The following DLGAP2 variants were observed in gnomAD, a reference collection of about 807,000 sequenced individuals.
DLGAP2 encodes the protein DLG associated protein 2, also known as disks large-associated protein 2.
Under a neutral mutation model 100.3 loss-of-function variants are expected in DLGAP2, and 26 were observed. The ratio of observed to expected loss-of-function variants is 0.26; its 90% CI spans 0.19 to 0.36. The LOEUF is 0.36. Ranked by LOEUF, DLGAP2 falls within the 10% of genes least tolerant of loss-of-function variation. The pLI, the probability that DLGAP2 is intolerant of heterozygous loss-of-function variation, is 1.00. For missense variants in DLGAP2, 1,858 were observed against 1,453.2 expected (o/e 1.28, Z -4.53); for synonymous variants, 886 against 630.1 (o/e 1.41, Z -6.08).
At chr8:990,070 T>C (rs543528688) in intron 2 of DLGAP2, among the ~76,000 whole-genome samples, 2 of 152,200 alleles carry the variant, frequency 1.3e-5, no homozygotes, top group East Asian at 1.9e-4. Flanking sequence ...TGCTTCCCAC[T>C]GTAGAATTTC....
intron 3 of DLGAP2, among the ~76,000 whole-genome samples, chr8:1,413,693 G>A (rs1796796318): frequency 6.6e-6 from 1 of 152,176 alleles, no homozygotes; most frequent in South Asian, 2.1e-4. Context: ...TTGATAAATG[G>A]TCTTGAACTC....
Position 1,669,635 on chromosome 8 carries a change from G to A in DLGAP2, c.2161-108G>A, listed in dbSNP as rs183587266. 6.6e-6 allele frequency: 5 copies of A among 762,000 alleles called. No individual in the cohort carries two copies. In the East Asian group the frequency reaches 7.3e-5, roughly 11 times the overall value. The allele number at this position is 762,000 out of a possible 1,614,324, so 47.2% of individuals were successfully genotyped here. On this transcript the variant is annotated intron_variant, in intron 9 of 14. Transcript: ENST00000637795. ...GTGGAGCGTGCTGAGAGCCGGGCCC[G>A]TGCGGCGCTGGTAGCTAGGCATGCG...
chr8:1,201,516 C>T (rs1025136769), intron 2 of DLGAP2, among the ~76,000 whole-genome samples: 1 of 152,206 alleles, frequency 6.6e-6, no homozygotes, highest in African/African-American at 2.4e-5. Context: ...TGCTTCAGCC[C>T]AGGGAGTCCG....
At chr8:1,677,122 A>G (rs1246164986) in intron 11 of DLGAP2, among the ~76,000 whole-genome samples, 1 of 152,230 alleles carries the variant, frequency 6.6e-6, no homozygotes, top group African/African-American at 2.4e-5. Context: ...TTAAAATAGC[A>G]TGTATTGTCT....
chr8:1,616,905 C>T (rs191531860), intron 6 of DLGAP2, among the ~76,000 whole-genome samples: 18 of 152,230 alleles, frequency 1.2e-4, no homozygotes, highest in Non-Finnish European at 4.4e-5. Context: ...CTCCAGGAGG[C>T]CCCAGTATGT....
chr8:1,678,179 G>C, intron 11 of DLGAP2, 35 bp from the exon 12 acceptor site: 1 of 1,574,070 alleles, frequency 6.4e-7, no homozygotes, highest in Non-Finnish European at 8.6e-7. Flanking sequence ...CCTCTCAGAA[G>C]GGCTACCATC....
At chr8:1,546,165 G>A (rs755813828) in intron 4 of DLGAP2, among the ~76,000 whole-genome samples, 2 of 152,166 alleles carry the variant, frequency 1.3e-5, no homozygotes, top group African/African-American at 2.4e-5. Flanking sequence ...GGAAGACGCC[G>A]CCGGCCATTA....
At chr8:863,487 T>C (rs186965248) in intron 1 of DLGAP2, among the ~76,000 whole-genome samples, 1 of 152,358 alleles carries the variant, frequency 6.6e-6, no homozygotes, top group East Asian at 1.9e-4. Context: ...CGCACACCAC[T>C]TGGAATTAAA....
At chr8:1,421,059 C>G (rs970280216) in intron 3 of DLGAP2, among the ~76,000 whole-genome samples, 7 of 152,176 alleles carry the variant, frequency 4.6e-5, no homozygotes, top group African/African-American at 1.2e-4. Context: ...GAATAATACA[C>G]TGGAGAAAAT....
At chr8:1,341,077 TGTGGGAGGAGGAGG>T (rs1320040750) in intron 3 of DLGAP2, among the ~76,000 whole-genome samples, 7 of 151,946 alleles carry the variant, frequency 4.6e-5, no homozygotes, top group Non-Finnish European at 7.4e-5. Flanking sequence ...CACTGGGACC[TGTGGGAGGAGGAGG>T]GTGGGAGGAG....
intron 2 of DLGAP2, among the ~76,000 whole-genome samples, chr8:1,238,161 GTCATGTCTAGTTCTCTCTCACACAGAGCA>G (rs1358769313): frequency 3.5e-5 from 1 of 28,776 alleles, no homozygotes; most frequent in East Asian, 1.0e-3. Context: ...CACACATAGC[GTCATGTCTAGTTCTCTCTCACACAGAGCA>G]TCATGTCTAG....
Position 960,252 on chromosome 8 carries a change from T to TTTTTTTTTTTTTTTTTTTTC in DLGAP2, c.73+52286_73+52287insTTTTTTTTTTTTTTTTTTTC, listed in dbSNP as rs369284313. The stretch of plus-strand genomic sequence containing the variant: ...TGAAGTATATCTTTTTTTTTTTTTT[T>TTTTTTTTTTTTTTTTTTTTC]CCCGAGACACTCTCACGCTGTCGTC... On this transcript the variant is annotated intron_variant, in intron 2 of 14. Transcript: ENST00000637795. Among the ~76,000 whole-genome samples the TTTTTTTTTTTTTTTTTTTTC allele has an allele frequency of 1.4e-3, 202 of 141,956 alleles. 17 individuals carry two copies. Among genetic ancestry groups the TTTTTTTTTTTTTTTTTTTTC allele is most frequent in the African/African-American group, 5.3e-3 (190 of 36,128 alleles). The allele number at this position is 141,956 out of a possible 152,430, so 93.1% of individuals were successfully genotyped here. A position where few individuals can be genotyped will look rare whatever the true frequency, so the allele number is the denominator to read the frequency against.
chr8:1,532,919 G>A (rs1338659722), intron 4 of DLGAP2, among the ~76,000 whole-genome samples: 1 of 152,092 alleles, frequency 6.6e-6, no homozygotes, highest in Non-Finnish European at 1.5e-5. Flanking sequence ...CTTTCCACCT[G>A]CCGAGCACCA....
At position 1,138,084 on chromosome 8, in the gene DLGAP2, G is replaced by A. The variant is rs191240941; in HGVS notation, c.74-120767G>A. On this transcript the variant is annotated intron_variant, in intron 2 of 14. Transcript: ENST00000637795. Reference sequence around the variant, plus strand: ...ACATCCACACTGCCCCGCTGACACCGGGATGGCAGCTCTTAATCCCTTGAT... The same window carrying A: ...ACATCCACACTGCCCCGCTGACACCAGGATGGCAGCTCTTAATCCCTTGAT... Among the ~76,000 whole-genome samples the A allele has an allele frequency of 2.0e-3, 301 of 152,336 alleles. 1 individual carries two copies. Among genetic ancestry groups the A allele is most frequent in the Middle Eastern group, 3.4e-3 (1 of 294 alleles).
intron 3 of DLGAP2, among the ~76,000 whole-genome samples, chr8:1,295,463 C>T (rs138780343): frequency 0.018 from 2,680 of 152,228 alleles, 30 homozygotes; most frequent in South Asian, 0.037. Flanking sequence ...GGCTGTGGGC[C>T]CCCAGCCACG....
intron 8 of DLGAP2, among the ~76,000 whole-genome samples, chr8:1,648,216 T>C (rs1412119547): frequency 6.6e-6 from 1 of 152,182 alleles, no homozygotes; most frequent in Non-Finnish European, 1.5e-5. Flanking sequence ...CTCTGACGTT[T>C]AAGTTATAAA....
intron 2 of DLGAP2, among the ~76,000 whole-genome samples, chr8:1,229,974 C>A (rs907748100): frequency 3.9e-5 from 6 of 152,124 alleles, no homozygotes; most frequent in African/African-American, 1.2e-4. Context: ...ACAAGGATGC[C>A]CACTCTCACC....
intron 6 of DLGAP2, among the ~76,000 whole-genome samples, chr8:1,593,171 T>A (rs1796341079): frequency 6.6e-6 from 1 of 152,084 alleles, no homozygotes. Flanking sequence ...ATTTAGACAC[T>A]AGGCCTGGCG....
At chr8:976,311 A>G (rs1279170624) in intron 2 of DLGAP2, among the ~76,000 whole-genome samples, 1 of 152,214 alleles carries the variant, frequency 6.6e-6, no homozygotes, top group Admixed American at 6.5e-5. Context: ...TGGAAAGCCC[A>G]GAAAATAGAC....
Sources: gnomAD v4.1 joint callset for allele counts (sites outside exome capture counted in the v4.1 genomes callset) on GRCh38, gnomAD v4.1.1 for gene constraint, MANE v1.5 for transcripts, NCBI Gene and HGNC (gene_info 2026-07-23, HGNC 2026-07-21) for gene names.